The following IL1RAPL2 variants were observed in gnomAD, a reference collection of about 807,000 sequenced individuals.
IL1RAPL2 encodes the protein X-linked interleukin-1 receptor accessory protein-like 2.
In IL1RAPL2, 3 loss-of-function variants were observed where a neutral mutation model predicts 44.1. That is an observed-to-expected ratio of 0.07 (90% CI 0.03 to 0.18). The LOEUF is 0.18. Ranked by LOEUF, IL1RAPL2 falls within the 10% of genes least tolerant of loss-of-function variation. The pLI is 1.00. For synonymous variants in IL1RAPL2, 181 were observed against 178.8 expected, an observed-to-expected ratio of 1.01 and a Z score of -0.10; for missense variants, 391 against 496.4, an observed-to-expected ratio of 0.79 and a Z score of 2.02.
chrX:105,000,421 G>A (rs1265800697), intron 2 of IL1RAPL2, among the ~76,000 whole-genome samples: 1 of 111,104 alleles, frequency 9.0e-6, no homozygotes, highest in African/African-American at 3.3e-5. Flanking sequence ...GTGGCACTGG[G>A]AGTTTGGGGC....
chrX:104,577,124 C>T (rs1928257305), intron 1 of IL1RAPL2, among the ~76,000 whole-genome samples: 1 of 111,764 alleles, frequency 8.9e-6, no homozygotes, highest in Non-Finnish European at 1.9e-5. Flanking sequence ...CCATACTCAC[C>T]CAATTCCCTA....
intron 2 of IL1RAPL2, among the ~76,000 whole-genome samples, chrX:104,945,968 C>T (rs1238326133): frequency 3.7e-5 from 4 of 109,187 alleles, no homozygotes; most frequent in Non-Finnish European, 7.6e-5. Flanking sequence ...TAAAAGTAGT[C>T]CCATTTTTAA....
At chrX:105,196,771 A>G (rs371411129) in intron 3 of IL1RAPL2, among the ~76,000 whole-genome samples, 3 of 111,519 alleles carry the variant, frequency 2.7e-5, no homozygotes, top group Non-Finnish European at 5.7e-5. Flanking sequence ...CATCTCAAAT[A>G]GAGACTGGAT....
chrX:104,917,988 C>T (rs1057376234), intron 2 of IL1RAPL2, among the ~76,000 whole-genome samples: 39 of 111,023 alleles, frequency 3.5e-4, no homozygotes, highest in African/African-American at 1.2e-3. Flanking sequence ...ATACTAATTA[C>T]TGCCCTAGGT....
At chrX:105,347,443 T>C (rs892691043) in intron 5 of IL1RAPL2, among the ~76,000 whole-genome samples, 2 of 110,550 alleles carry the variant, frequency 1.8e-5, no homozygotes, top group Admixed American at 9.6e-5. Flanking sequence ...CAAGGTAATG[T>C]AATAAAGAGC....
intron 2 of IL1RAPL2, among the ~76,000 whole-genome samples, chrX:104,757,772 A>C (rs1157290916): frequency 1.8e-5 from 2 of 111,913 alleles, no homozygotes; most frequent in Non-Finnish European, 3.8e-5. Flanking sequence ...CTTTATAACC[A>C]GAAAGCAGAA....
intron 2 of IL1RAPL2, among the ~76,000 whole-genome samples, chrX:104,887,701 G>A (rs374153898): frequency 9.0e-6 from 1 of 111,670 alleles, no homozygotes; most frequent in Non-Finnish European, 1.9e-5. Flanking sequence ...GGAACCAATC[G>A]AGCATGACTG....
chrX:105,559,338 C>G (rs1282993046), intron 6 of IL1RAPL2, among the ~76,000 whole-genome samples: 1 of 112,065 alleles, frequency 8.9e-6, no homozygotes, highest in African/African-American at 3.2e-5. Context: ...ATAAAATAAA[C>G]CCACTCATAT....
intron 2 of IL1RAPL2, among the ~76,000 whole-genome samples, chrX:105,111,543 A>G (rs888186468): frequency 4.5e-5 from 5 of 112,129 alleles, no homozygotes; most frequent in African/African-American, 1.6e-4. Context: ...ACTTAGTTTC[A>G]TATCAACCCC....
At chrX:105,459,432 G>A (rs2036078524) in intron 5 of IL1RAPL2, among the ~76,000 whole-genome samples, 1 of 111,588 alleles carries the variant, frequency 9.0e-6, no homozygotes, top group Non-Finnish European at 1.9e-5. Flanking sequence ...TCAAAGAAAT[G>A]TTATTTTTAC....
At chrX:105,383,143 C>T (rs73525390) in intron 5 of IL1RAPL2, among the ~76,000 whole-genome samples, 14,237 of 108,745 alleles carry the variant, frequency 0.13, 2,316 homozygotes, top group African/African-American at 0.45. Context: ...ATCACATGAA[C>T]GCAAAAATAA....
chrX:104,835,262 G>A (rs1280046313), intron 2 of IL1RAPL2, among the ~76,000 whole-genome samples: 1 of 111,328 alleles, frequency 9.0e-6, no homozygotes, highest in Non-Finnish European at 1.9e-5. Flanking sequence ...GAGACACAGA[G>A]AGGGTCAGTG....
intron 5 of IL1RAPL2, among the ~76,000 whole-genome samples, chrX:105,368,077 G>A (rs950468604): frequency 2.0e-4 from 22 of 110,670 alleles, no homozygotes; most frequent in African/African-American, 6.9e-4. Flanking sequence ...ATGTGTTGGT[G>A]TTGAGAAATA....
intron 5 of IL1RAPL2, among the ~76,000 whole-genome samples, chrX:105,387,915 G>A (rs2035489195): frequency 9.3e-6 from 1 of 107,625 alleles, no homozygotes; most frequent in Non-Finnish European, 1.9e-5. Context: ...TTGGGAGACC[G>A]AGGCGGGTGG....
chrX:104,637,184 G>A (rs1211434581), intron 1 of IL1RAPL2, among the ~76,000 whole-genome samples: 1 of 109,985 alleles, frequency 9.1e-6, no homozygotes, highest in Non-Finnish European at 1.9e-5. Flanking sequence ...TTTGTATTCT[G>A]CAACTTTACT....
chrX:104,606,616 C>T (rs1327385727), intron 1 of IL1RAPL2, among the ~76,000 whole-genome samples: 1 of 111,744 alleles, frequency 8.9e-6, no homozygotes, highest in Non-Finnish European at 1.9e-5. Flanking sequence ...GCAACTTCAG[C>T]AAAGTCTCAG....
At chrX:105,409,241 G>T (rs1401079886) in intron 5 of IL1RAPL2, among the ~76,000 whole-genome samples, 1 of 108,302 alleles carries the variant, frequency 9.2e-6, no homozygotes, top group Non-Finnish European at 1.9e-5. Context: ...CTCCAAACCA[G>T]TCAAAATAAC....
At chrX:104,719,766 T>A (rs1310670240) in intron 2 of IL1RAPL2, among the ~76,000 whole-genome samples, 1 of 111,410 alleles carries the variant, frequency 9.0e-6, no homozygotes, top group Non-Finnish European at 1.9e-5. Context: ...GGGAAGGCCA[T>A]AGGAGAATTT....
intron 1 of IL1RAPL2, among the ~76,000 whole-genome samples, chrX:104,652,256 T>C (rs1930166579): frequency 9.0e-6 from 1 of 111,407 alleles, no homozygotes; most frequent in African/African-American, 3.3e-5. Flanking sequence ...TTAGAATGGG[T>C]CAAAGAAGAC....
Sources: gnomAD v4.1 joint callset for allele counts (sites outside exome capture counted in the v4.1 genomes callset) on GRCh38, gnomAD v4.1.1 for gene constraint, MANE v1.5 for transcripts, NCBI Gene and HGNC (gene_info 2026-07-23, HGNC 2026-07-21) for gene names.